LRRC63: variants seen among roughly 807,000 people sequenced by gnomAD.
LRRC63 encodes leucine-rich repeat-containing protein 63.
Under a neutral mutation model 49.5 loss-of-function variants are expected in LRRC63, and 40 were observed. The ratio of observed to expected loss-of-function variants is 0.81; its 90% confidence interval spans 0.63 to 1.05. The LOEUF (loss-of-function observed/expected upper bound fraction) is 1.05, where lower values mean the gene tolerates loss of function less well. LRRC63 is among the 50% of genes least tolerant of loss of function. LRRC63 has a pLI of 0.00. For synonymous variants in LRRC63, 191 were observed against 221.1 expected, an observed-to-expected ratio of 0.86 and a Z score of 1.21; for missense variants, 636 against 663.1, an observed-to-expected ratio of 0.96 and a Z score of 0.45.
intron 5 of LRRC63, among the ~76,000 whole-genome samples, chr13:46,244,087 T>C (rs185028624): frequency 3.3e-5 from 5 of 152,320 alleles, no homozygotes; most frequent in African/African-American, 4.8e-5. Context: ...TCAGTGAATA[T>C]AAAGGACCTT....
At chr13:46,239,034 A>G (rs1233995228) in intron 5 of LRRC63, among the ~76,000 whole-genome samples, 1 of 152,240 alleles carries the variant, frequency 6.6e-6, no homozygotes, top group Non-Finnish European at 1.5e-5. Context: ...TCAAAAAATT[A>G]GAAAGATGTT....
intron 5 of LRRC63, among the ~76,000 whole-genome samples, chr13:46,244,230 C>T (rs1301661502): frequency 6.6e-6 from 1 of 151,934 alleles, no homozygotes; most frequent in Non-Finnish European, 1.5e-5. Context: ...TTGGAAGGGG[C>T]TAAATGTATA....
At chr13:46,231,002 A>G (rs1296975063) in intron 4 of LRRC63, among the ~76,000 whole-genome samples, 3 of 152,230 alleles carry the variant, frequency 2.0e-5, no homozygotes, top group Admixed American at 2.0e-4. Context: ...AAGGTGTAAC[A>G]TGGGTGACTT....
chr13:46,274,068 T>A (rs956959429), intron 9 of LRRC63, among the ~76,000 whole-genome samples: 2 of 152,128 alleles, frequency 1.3e-5, no homozygotes, highest in Non-Finnish European at 2.9e-5. Context: ...TGGCAGTATG[T>A]CACAGATAGA....
exon 10 of LRRC63, chr13:46,276,625 T>A: frequency 8.1e-7 from 1 of 1,230,984 alleles, no homozygotes; most frequent in Non-Finnish European, 1.0e-6. Flanking sequence ...GGTCCCAAGT[T>A]TGGTGAAGGT....
At chr13:46,238,384 C>T (rs866772497) in intron 5 of LRRC63, among the ~76,000 whole-genome samples, 1 of 152,084 alleles carries the variant, frequency 6.6e-6, no homozygotes, top group Middle Eastern at 3.4e-3. Context: ...TAATCGAACA[C>T]AAAACAAGTC....
At chr13:46,252,336 T>G (rs1469645880) in intron 7 of LRRC63, among the ~76,000 whole-genome samples, 1 of 151,968 alleles carries the variant, frequency 6.6e-6, no homozygotes, top group Admixed American at 6.6e-5. Flanking sequence ...TGAGTGAAAT[T>G]TAGTGAACCA....
At chr13:46,244,970 G>A (rs1179899041) in intron 5 of LRRC63, among the ~76,000 whole-genome samples, 1 of 152,050 alleles carries the variant, frequency 6.6e-6, no homozygotes, top group East Asian at 1.9e-4. Flanking sequence ...ACTAGGAAGC[G>A]TACTTAAATA....
chr13:46,233,742 C>A (rs1019150377), intron 4 of LRRC63, among the ~76,000 whole-genome samples: 1 of 152,124 alleles, frequency 6.6e-6, no homozygotes, highest in Non-Finnish European at 1.5e-5. Context: ...TTACACAGGG[C>A]ATTTGAATTA....
chr13:46,221,131 G>C (rs1176987028), intron 2 of LRRC63, among the ~76,000 whole-genome samples: 1 of 152,136 alleles, frequency 6.6e-6, no homozygotes, highest in Non-Finnish European at 1.5e-5. Context: ...TGTACAGCTG[G>C]CACATGGTAG....
At chr13:46,241,793 G>A (rs2047070533) in intron 5 of LRRC63, among the ~76,000 whole-genome samples, 1 of 151,930 alleles carries the variant, frequency 6.6e-6, no homozygotes, top group Non-Finnish European at 1.5e-5. Context: ...AGGCAGGATA[G>A]CAATTACTAA....
intron 2 of LRRC63, among the ~76,000 whole-genome samples, chr13:46,226,922 G>A (rs574055597): frequency 1.3e-5 from 2 of 152,246 alleles, no homozygotes; most frequent in African/African-American, 4.8e-5. Context: ...GGAAAGAAAA[G>A]GCATATATGA....
intron 5 of LRRC63, among the ~76,000 whole-genome samples, chr13:46,238,962 G>A (rs890819023): frequency 4.6e-5 from 7 of 152,162 alleles, no homozygotes; most frequent in Admixed American, 2.0e-4. Context: ...CAACATATTA[G>A]AATCTGTGGT....
At chr13:46,227,940 G>A in exon 3 of LRRC63, 1 of 1,550,630 alleles carries the variant, frequency 6.4e-7, no homozygotes, top group Non-Finnish European at 8.7e-7. Flanking sequence ...TCAAAAACTT[G>A]AGAAAATGCA....
chr13:46,233,553 A>G (rs2046823125), intron 4 of LRRC63, among the ~76,000 whole-genome samples: 1 of 152,240 alleles, frequency 6.6e-6, no homozygotes, highest in Non-Finnish European at 1.5e-5. Flanking sequence ...AATATATAAA[A>G]TTTTAAAATA....
At chr13:46,218,192 A>G (rs1202770420) in intron 2 of LRRC63, among the ~76,000 whole-genome samples, 1 of 152,168 alleles carries the variant, frequency 6.6e-6, no homozygotes, top group Non-Finnish European at 1.5e-5. Flanking sequence ...TCTAATGTTG[A>G]CAGTGGGGTG....
chr13:46,246,617 C>G, exon 6 of LRRC63: 1 of 1,412,464 alleles, frequency 7.1e-7, no homozygotes, highest in Non-Finnish European at 9.3e-7. Context: ...TCATTACTTT[C>G]CCACAGAAGT....
intron 2 of LRRC63, among the ~76,000 whole-genome samples, chr13:46,215,900 C>T (rs984782875): frequency 1.2e-4 from 18 of 152,084 alleles, no homozygotes; most frequent in Admixed American, 2.6e-4. Context: ...TTGTTTTTGT[C>T]AGGTTTGTCG....
intron 5 of LRRC63, among the ~76,000 whole-genome samples, chr13:46,243,619 A>G (rs1237833707): frequency 6.6e-6 from 1 of 152,198 alleles, no homozygotes; most frequent in Non-Finnish European, 1.5e-5. Context: ...TACTTATATC[A>G]GATAAAGTAA....
Sources: gnomAD v4.1 joint callset for allele counts (sites outside exome capture counted in the v4.1 genomes callset) on GRCh38, gnomAD v4.1.1 for gene constraint, MANE v1.5 for transcripts, NCBI Gene and HGNC (gene_info 2026-07-23, HGNC 2026-07-21) for gene names.